RBM20: variants seen among roughly 807,000 people sequenced by gnomAD.
The protein encoded by RBM20 is RNA binding motif protein 20, also known as RNA-binding protein 20.
RBM20 carries 51 observed loss-of-function variants against 110.1 expected under a neutral mutation model. The ratio of observed to expected loss-of-function variants is 0.46; its 90% CI spans 0.37 to 0.59. The LOEUF (loss-of-function observed/expected upper bound fraction) is 0.59, where lower values mean the gene tolerates loss of function less well. RBM20 is among the 20% of genes least tolerant of loss of function. The pLI, the probability that RBM20 is intolerant of heterozygous loss-of-function variation, is 0.00. For missense variants in RBM20, 1,512 were observed against 1,574.9 expected (o/e 0.96, Z 0.68); for synonymous variants, 589 against 618.2 (o/e 0.95, Z 0.70).
At chr10:110,710,641 T>TC (rs1231116611) in intron 1 of RBM20, among the ~76,000 whole-genome samples, 1 of 152,206 alleles carries the variant, frequency 6.6e-6, no homozygotes, top group Non-Finnish European at 1.5e-5. Context: ...GGTCCTTCCC[T>TC]CCCCCTTCCC....
intron 1 of RBM20, among the ~76,000 whole-genome samples, chr10:110,720,441 G>A (rs761232957): frequency 6.6e-6 from 1 of 152,120 alleles, no homozygotes. Flanking sequence ...GTGCAACCGC[G>A]GGACTGGAAC....
intron 1 of RBM20, among the ~76,000 whole-genome samples, chr10:110,759,368 T>A (rs1399722693): frequency 6.6e-6 from 1 of 152,230 alleles, no homozygotes; most frequent in Non-Finnish European, 1.5e-5. Context: ...TAGTCAGCCC[T>A]GGTTTTAAAG....
chr10:110,687,995 T>TTGTGTGTGTGTGTGTGTG (rs60479740), intron 1 of RBM20, among the ~76,000 whole-genome samples: 1 of 145,376 alleles, frequency 6.9e-6, no homozygotes, highest in African/African-American at 2.5e-5. Flanking sequence ...CTAAATGGTT[T>TTGTGTGTGTGTGTGTGTG]TGTGTGTGTG....
chr10:110,674,352 T>G (rs1862302759), intron 1 of RBM20, among the ~76,000 whole-genome samples: 1 of 152,258 alleles, frequency 6.6e-6, no homozygotes, highest in African/African-American at 2.4e-5. Flanking sequence ...CAGGGAACTC[T>G]TAAAACCAAG....
At chr10:110,804,972 C>G (rs945435105) in intron 7 of RBM20, among the ~76,000 whole-genome samples, 2 of 152,148 alleles carry the variant, frequency 1.3e-5, no homozygotes, top group Non-Finnish European at 2.9e-5. Context: ...ATTGGTCTTG[C>G]CAGCCTCCTC....
At chr10:110,709,882 C>CA in intron 1 of RBM20, among the ~76,000 whole-genome samples, 1 of 152,122 alleles carries the variant, frequency 6.6e-6, no homozygotes, top group South Asian at 2.1e-4. Flanking sequence ...ATTATGATTT[C>CA]AAAAATCATA....
At chr10:110,823,695 C>A in intron 12 of RBM20, 81 bp downstream of exon 12, 3 of 1,452,992 alleles carry the variant, frequency 2.1e-6, no homozygotes, top group African/African-American at 1.4e-5. Flanking sequence ...CTTGAGAGAG[C>A]TTTTTGGCAT....
intron 1 of RBM20, among the ~76,000 whole-genome samples, chr10:110,698,251 T>A (rs577942668): frequency 6.7e-4 from 77 of 115,388 alleles, no homozygotes; most frequent in African/African-American, 2.1e-3. Flanking sequence ...GGGCAAAGAC[T>A]TCCCCTATAC....
At chr10:110,674,309 C>A (rs558605159) in intron 1 of RBM20, among the ~76,000 whole-genome samples, 2 of 152,196 alleles carry the variant, frequency 1.3e-5, no homozygotes, top group Admixed American at 1.3e-4. Flanking sequence ...TATTCTGCAC[C>A]TGGCTCTCCT....
chr10:110,820,809 G>T (rs1212203738), intron 10 of RBM20, among the ~76,000 whole-genome samples: 1 of 152,134 alleles, frequency 6.6e-6, no homozygotes, highest in Non-Finnish European at 1.5e-5. Context: ...GATGCCAAGG[G>T]GAAAGTTCTA....
At chr10:110,669,013 TG>T (rs1862221644) in intron 1 of RBM20, among the ~76,000 whole-genome samples, 2 of 152,208 alleles carry the variant, frequency 1.3e-5, no homozygotes, top group Non-Finnish European at 2.9e-5. Context: ...GTTAAAGTTG[TG>T]TCATTTCTCT....
intron 1 of RBM20, among the ~76,000 whole-genome samples, chr10:110,648,944 G>A (rs1038671438): frequency 2.0e-5 from 3 of 152,138 alleles, no homozygotes; most frequent in Non-Finnish European, 4.4e-5. Context: ...CTATGCATAT[G>A]GTGCACACAG....
chr10:110,663,746 A>G (rs1862138902), intron 1 of RBM20, among the ~76,000 whole-genome samples: 1 of 152,236 alleles, frequency 6.6e-6, no homozygotes, highest in Admixed American at 6.5e-5. Flanking sequence ...ATTTCAGATA[A>G]CTTGAAAACA....
chr10:110,730,095 G>A (rs182119585), intron 1 of RBM20, among the ~76,000 whole-genome samples: 124 of 152,344 alleles, frequency 8.1e-4, no homozygotes, highest in African/African-American at 2.9e-3. Context: ...TGGGATTACA[G>A]GTGTGAGCCA....
At chr10:110,834,779 C>A (rs1845101858) in intron 13 of RBM20, among the ~76,000 whole-genome samples, 1 of 152,224 alleles carries the variant, frequency 6.6e-6, no homozygotes, top group African/African-American at 2.4e-5. Context: ...GTCTCCTAAT[C>A]CAGTGCTCTT....
At chr10:110,770,841 A>T (rs894807910) in intron 1 of RBM20, among the ~76,000 whole-genome samples, 1 of 151,846 alleles carries the variant, frequency 6.6e-6, no homozygotes, top group East Asian at 1.9e-4. Flanking sequence ...TAGATTAGGC[A>T]CTTAACAGCG....
intron 8 of RBM20, 60 bp from the exon 9 acceptor site, chr10:110,812,218 T>G: frequency 7.2e-7 from 1 of 1,395,056 alleles, no homozygotes; most frequent in East Asian, 2.5e-5. Flanking sequence ...TGTCTGTGTG[T>G]GGGTGGGGTG....
intron 1 of RBM20, among the ~76,000 whole-genome samples, chr10:110,675,994 G>T (rs146073424): frequency 2.6e-3 from 396 of 152,318 alleles, no homozygotes; most frequent in Middle Eastern, 0.01. Flanking sequence ...GGGTGGACAT[G>T]ATTTAGGTAG....
intron 1 of RBM20, among the ~76,000 whole-genome samples, chr10:110,680,920 C>A (rs570530976): frequency 6.6e-6 from 1 of 152,288 alleles, no homozygotes; most frequent in East Asian, 1.9e-4. Context: ...TCTTTCTTTT[C>A]CACTTCTTTC....
Sources: gnomAD v4.1 joint callset for allele counts (sites outside exome capture counted in the v4.1 genomes callset) on GRCh38, gnomAD v4.1.1 for gene constraint, MANE v1.5 for transcripts, NCBI Gene and HGNC (gene_info 2026-07-23, HGNC 2026-07-21) for gene names.